ADAMTS19: variants seen among roughly 807,000 people sequenced by gnomAD.
ADAMTS19 encodes the protein ADAM metallopeptidase with thrombospondin type 1 motif 19.
In ADAMTS19, 93 loss-of-function variants were observed where a neutral mutation model predicts 153.3. The ratio of observed to expected loss-of-function variants is 0.61; its 90% CI spans 0.51 to 0.72. ADAMTS19 has a LOEUF of 0.72. ADAMTS19 is among the 30% of genes least tolerant of loss of function. ADAMTS19 has a pLI of 0.00. For missense variants in ADAMTS19, 1,482 were observed against 1,552.1 expected (o/e 0.95, Z 0.76); for synonymous variants, 600 against 556.6 (o/e 1.08, Z -1.10).
intron 7 of ADAMTS19, among the ~76,000 whole-genome samples, chr5:129,570,457 C>T: frequency 6.6e-6 from 1 of 151,240 alleles, no homozygotes; most frequent in East Asian, 1.9e-4. Context: ...ATAAAATCTC[C>T]AGCACTAGGA....
At chr5:129,580,417 C>T (rs947080270) in intron 7 of ADAMTS19, among the ~76,000 whole-genome samples, 1 of 152,144 alleles carries the variant, frequency 6.6e-6, no homozygotes. Context: ...TATTTGAATA[C>T]CCTTTATTTA....
chr5:129,731,717 A>G (rs541057184), intron 21 of ADAMTS19, among the ~76,000 whole-genome samples: 1 of 152,270 alleles, frequency 6.6e-6, no homozygotes, highest in Admixed American at 6.5e-5. Flanking sequence ...AGAGAATGCA[A>G]TACTAATAGT....
intron 2 of ADAMTS19, among the ~76,000 whole-genome samples, chr5:129,480,878 C>T (rs185071175): frequency 1.1e-3 from 166 of 152,040 alleles, no homozygotes; most frequent in South Asian, 3.3e-3. Context: ...GTATGAGATT[C>T]TAAGAAGGAA....
intron 14 of ADAMTS19, among the ~76,000 whole-genome samples, chr5:129,655,153 T>C (rs1014217167): frequency 2.0e-5 from 3 of 152,186 alleles, no homozygotes; most frequent in African/African-American, 7.2e-5. Context: ...TATGTGGAGA[T>C]AAGGAAGAGG....
intron 11 of ADAMTS19, among the ~76,000 whole-genome samples, chr5:129,647,242 G>T (rs1360610267): frequency 1.4e-5 from 2 of 139,384 alleles, no homozygotes; most frequent in African/African-American, 5.3e-5. Flanking sequence ...AAAGCATAAA[G>T]GAAAGTGCTA....
intron 7 of ADAMTS19, among the ~76,000 whole-genome samples, chr5:129,565,141 TTC>T (rs1348410586): frequency 6.6e-6 from 1 of 152,222 alleles, no homozygotes; most frequent in Non-Finnish European, 1.5e-5. Flanking sequence ...TCACAATTAT[TTC>T]TATAATTTAG....
intron 6 of ADAMTS19, among the ~76,000 whole-genome samples, chr5:129,539,574 A>T (rs1752584085): frequency 6.6e-6 from 1 of 152,122 alleles, no homozygotes. Context: ...ATGCATTCCT[A>T]TATCGGTCTG....
Position 129,738,079 on chromosome 5 carries a change from G to T in ADAMTS19, c.*861G>T, listed in dbSNP as rs1053265195. 79 of 152,370 alleles carry T rather than the reference G, an allele frequency of 5.2e-4. No homozygotes were observed. The highest frequency in any genetic ancestry group is 2.9e-5 in the Non-Finnish European group (2 of 67,944). 9.4% of individuals were successfully genotyped at this position (152,370 alleles called of 1,614,324 possible). ...ATCTTTTTAGCAGATTTATTAAAGA[G>T]TATAGTACTTAGCCTCACGAATCAT... On this transcript the variant is annotated 3_prime_UTR_variant, in exon 23 of 23. Transcript: ENST00000274487.
intron 2 of ADAMTS19, among the ~76,000 whole-genome samples, chr5:129,482,993 A>G (rs1750465693): frequency 1.3e-5 from 2 of 152,212 alleles, no homozygotes; most frequent in South Asian, 4.1e-4. Context: ...ATGGGATTAC[A>G]TATTATATGT....
chr5:129,507,278 A>G (rs1751295386), intron 2 of ADAMTS19, among the ~76,000 whole-genome samples: 1 of 152,112 alleles, frequency 6.6e-6, no homozygotes, highest in Non-Finnish European at 1.5e-5. Context: ...CCATAAGACA[A>G]GAATAACATA....
At chr5:129,734,149 T>C (rs1328332336) in intron 21 of ADAMTS19, among the ~76,000 whole-genome samples, 1 of 151,604 alleles carries the variant, frequency 6.6e-6, no homozygotes, top group Non-Finnish European at 1.5e-5. Context: ...CACGTGGACA[T>C]AGAGAAAGAG....
rs765837134 is a variant in ADAMTS19 at position 129,651,686 on chromosome 5, G to A, written c.2177-2620G>A. On this transcript the variant is annotated intron_variant, in intron 13 of 22. Coordinates refer to ENST00000274487, the MANE Select transcript of ADAMTS19 (RefSeq NM_133638.6). The stretch of plus-strand genomic sequence containing the variant: ...TCCTCTAGGAAGAAAGAATCCCTCT[G>A]ATCCTCCAAATTATGTGTCCCTTCC... 3.3e-5 allele frequency among the ~76,000 whole-genome samples: 5 copies of A among 152,128 alleles called. No individual in the cohort carries two copies. The East Asian group carries it at 9.6e-4, about 29-fold the overall frequency.
intron 15 of ADAMTS19, among the ~76,000 whole-genome samples, chr5:129,661,289 T>C (rs540965099): frequency 3.0e-4 from 45 of 152,328 alleles, no homozygotes; most frequent in Non-Finnish European, 4.3e-4. Context: ...ATTATCAGCA[T>C]AGTATGCGAT....
chr5:129,647,688 C>T, intron 11 of ADAMTS19, 77 bp from the exon 12 acceptor site: 1 of 1,514,330 alleles, frequency 6.6e-7, no homozygotes, highest in East Asian at 2.3e-5. Flanking sequence ...AATTGCAATT[C>T]CAGTGACATT....
intron 6 of ADAMTS19, among the ~76,000 whole-genome samples, chr5:129,530,468 G>T (rs572199897): frequency 2.6e-5 from 4 of 152,160 alleles, no homozygotes; most frequent in African/African-American, 7.2e-5. Context: ...TGGGTTGAGC[G>T]TTGTGGGGAG....
At chr5:129,473,093 A>AAAAAAT (rs1001357148) in intron 2 of ADAMTS19, among the ~76,000 whole-genome samples, 1 of 151,832 alleles carries the variant, frequency 6.6e-6, no homozygotes, top group African/African-American at 2.4e-5. Flanking sequence ...TCAAATGACA[A>AAAAAAT]AAAAATAAAA....
chr5:129,622,475 TAAGAA>T, intron 10 of ADAMTS19, 127 bp downstream of exon 10: 1 of 1,090,224 alleles, frequency 9.2e-7, no homozygotes, highest in South Asian at 2.0e-5. Flanking sequence ...AAGGATTTTC[TAAGAA>T]AAGGTTTGTG....
intron 18 of ADAMTS19, among the ~76,000 whole-genome samples, chr5:129,692,610 AG>A (rs1197827688): frequency 9.9e-5 from 15 of 152,186 alleles, no homozygotes; most frequent in African/African-American, 2.9e-4. Context: ...TTCCACATTC[AG>A]GCAGTTTCTG....
chr5:129,623,209 T>C (rs1429085740), intron 10 of ADAMTS19, among the ~76,000 whole-genome samples: 3 of 152,162 alleles, frequency 2.0e-5, no homozygotes. Context: ...AATATTCCAG[T>C]AGTCAGTAAT....
Sources: allele counts gnomAD v4.1 joint callset (sites outside exome capture counted in the v4.1 genomes callset), GRCh38; gene constraint gnomAD v4.1.1; transcripts MANE v1.5; gene names NCBI Gene and HGNC (gene_info 2026-07-23, HGNC 2026-07-21).